The following NKAIN3 variants were observed in gnomAD, a reference collection of about 807,000 sequenced individuals.
NKAIN3 encodes sodium/potassium-transporting ATPase subunit beta-1-interacting protein 3.
In NKAIN3, 25 loss-of-function variants were observed where a neutral mutation model predicts 30.2. The ratio of observed to expected loss-of-function variants is 0.83; its 90% CI spans 0.60 to 1.16. NKAIN3 has a LOEUF of 1.16. Among genes scored for constraint, NKAIN3 ranks in the 50% most tolerant of loss-of-function variants. NKAIN3 has a pLI of 0.00. For synonymous variants in NKAIN3, 91 were observed against 89.6 expected, an observed-to-expected ratio of 1.02 and a Z score of -0.09; for missense variants, 225 against 254.1, an observed-to-expected ratio of 0.89 and a Z score of 0.78.
intron 5 of NKAIN3, among the ~76,000 whole-genome samples, chr8:62,952,953 G>C (rs764954875): frequency 6.6e-6 from 1 of 152,098 alleles, no homozygotes; most frequent in Non-Finnish European, 1.5e-5. Flanking sequence ...TTACAATTTT[G>C]TAGTGTCTAT....
chr8:62,422,867 G>T (rs1373152455), intron 1 of NKAIN3, among the ~76,000 whole-genome samples: 2 of 152,066 alleles, frequency 1.3e-5, no homozygotes, highest in Non-Finnish European at 2.9e-5. Context: ...TAAAAATTAA[G>T]ATAGTTTTTA....
intron 1 of NKAIN3, among the ~76,000 whole-genome samples, chr8:62,554,741 T>C: frequency 6.6e-6 from 1 of 152,136 alleles, no homozygotes; most frequent in East Asian, 1.9e-4. Flanking sequence ...TTTCCAAAGA[T>C]ATGCTTAACA....
At chr8:62,550,326 G>C (rs1248695528) in intron 1 of NKAIN3, among the ~76,000 whole-genome samples, 2 of 152,076 alleles carry the variant, frequency 1.3e-5, no homozygotes, top group Admixed American at 6.5e-5. Context: ...ATGTCATTCT[G>C]CTTTATCATT....
At position 62,968,701 on chromosome 8, in the gene NKAIN3, G is replaced by C. The variant is rs779376813; in HGVS notation, c.*3294G>C. Among the ~76,000 whole-genome samples the C allele has an allele frequency of 6.6e-6, 1 of 152,166 alleles. No individual in the cohort carries two copies. Among genetic ancestry groups the C allele is most frequent in the African/African-American group, 2.4e-5 (1 of 41,436 alleles). ...CCTCTTGGAGCCACCTTAGCACTGA[G>C]TCTTGTAAACCTTGGCCAGCCCTTC... On this transcript the variant is annotated 3_prime_UTR_variant, in exon 7 of 7. Coordinates refer to ENST00000623646, the MANE Select transcript of NKAIN3 (RefSeq NM_001304533.3).
At chr8:62,480,285 A>G (rs1265893197) in intron 1 of NKAIN3, among the ~76,000 whole-genome samples, 1 of 152,194 alleles carries the variant, frequency 6.6e-6, no homozygotes, top group Non-Finnish European at 1.5e-5. Context: ...CACACAAAAA[A>G]ATGATAGCTG....
intron 1 of NKAIN3, among the ~76,000 whole-genome samples, chr8:62,469,977 G>A (rs1381956665): frequency 6.6e-6 from 1 of 152,078 alleles, no homozygotes; most frequent in Non-Finnish European, 1.5e-5. Context: ...CACAGATCCT[G>A]GTATGCTTTG....
At chr8:62,609,850 A>G (rs973046274) in intron 3 of NKAIN3, among the ~76,000 whole-genome samples, 6 of 152,158 alleles carry the variant, frequency 3.9e-5, no homozygotes, top group Non-Finnish European at 7.3e-5. Context: ...ATGAGCCAGT[A>G]GAGGAGAGCC....
intron 3 of NKAIN3, among the ~76,000 whole-genome samples, chr8:62,658,637 C>T (rs1002528766): frequency 5.3e-5 from 8 of 152,218 alleles, no homozygotes; most frequent in African/African-American, 1.9e-4. Context: ...AGTGATTTAT[C>T]ATTGATGAAA....
chr8:62,762,374 T>C (rs556749912), intron 4 of NKAIN3, among the ~76,000 whole-genome samples: 1 of 151,754 alleles, frequency 6.6e-6, no homozygotes, highest in South Asian at 2.1e-4. Context: ...ATGAACTCAT[T>C]TGAATACTGG....
chr8:62,487,382 A>G (rs1806935921), intron 1 of NKAIN3, among the ~76,000 whole-genome samples: 1 of 152,236 alleles, frequency 6.6e-6, no homozygotes, highest in African/African-American at 2.4e-5. Flanking sequence ...GGATGGCAGT[A>G]GTTGGAACCT....
chr8:62,393,438 C>T (rs1033638704), intron 1 of NKAIN3, among the ~76,000 whole-genome samples: 6 of 151,950 alleles, frequency 3.9e-5, no homozygotes, highest in Non-Finnish European at 8.8e-5. Flanking sequence ...TTTCTGGACT[C>T]AAAATTCCTT....
chr8:62,892,834 C>G (rs778879469), intron 4 of NKAIN3, among the ~76,000 whole-genome samples: 1 of 152,052 alleles, frequency 6.6e-6, no homozygotes, highest in Non-Finnish European at 1.5e-5. Context: ...TTGGAAAGGT[C>G]AGACACACCA....
intron 3 of NKAIN3, among the ~76,000 whole-genome samples, chr8:62,668,720 C>T (rs1037636970): frequency 6.6e-5 from 10 of 152,064 alleles, no homozygotes; most frequent in East Asian, 3.9e-4. Context: ...GAGATATAAG[C>T]GTATACTTAT....
chr8:62,619,855 C>T (rs1811570484), intron 3 of NKAIN3, among the ~76,000 whole-genome samples: 1 of 152,106 alleles, frequency 6.6e-6, no homozygotes, highest in Admixed American at 6.6e-5. Flanking sequence ...AATCAACACC[C>T]TTGTAAAATA....
At chr8:62,855,991 G>A (rs1216888300) in intron 4 of NKAIN3, 31 of 690,390 alleles carry the variant, frequency 4.5e-5, no homozygotes, top group Middle Eastern at 2.8e-4. Flanking sequence ...CCAATCACCA[G>A]CAACTCCTCA....
chr8:62,344,405 T>C (rs1007835718), intron 1 of NKAIN3, among the ~76,000 whole-genome samples: 10 of 152,216 alleles, frequency 6.6e-5, no homozygotes, highest in African/African-American at 2.4e-4. Context: ...ATATTCATGT[T>C]TGTGATATTT....
At chr8:62,648,710 C>A (rs529152207) in intron 3 of NKAIN3, among the ~76,000 whole-genome samples, 1 of 152,278 alleles carries the variant, frequency 6.6e-6, no homozygotes, top group Admixed American at 6.5e-5. Flanking sequence ...TCTTGCCTCT[C>A]ATTGATCAAC....
chr8:62,466,321 A>G (rs1293277731), intron 1 of NKAIN3, among the ~76,000 whole-genome samples: 2 of 152,178 alleles, frequency 1.3e-5, no homozygotes, highest in African/African-American at 2.4e-5. Context: ...TTTCTTTCCA[A>G]TGACCAATTT....
chr8:62,578,682 A>G (rs1310947405), intron 1 of NKAIN3, among the ~76,000 whole-genome samples: 1 of 151,990 alleles, frequency 6.6e-6, no homozygotes, highest in Admixed American at 6.6e-5. Context: ...CCAAAATGGT[A>G]CTAGTTCTAG....
Sources: gnomAD v4.1 joint callset for allele counts (sites outside exome capture counted in the v4.1 genomes callset) on GRCh38, gnomAD v4.1.1 for gene constraint, MANE v1.5 for transcripts, NCBI Gene and HGNC (gene_info 2026-07-23, HGNC 2026-07-21) for gene names.